Variants in GFI1B observed in about 807,000 individuals in gnomAD.
The protein encoded by GFI1B is growth factor independent 1B transcriptional repressor.
In GFI1B, 20 loss-of-function variants were observed where a neutral mutation model predicts 35.3. That is an observed-to-expected ratio of 0.57 (90% CI 0.40 to 0.82). The LOEUF is 0.82. Ranked by LOEUF, GFI1B falls within the 40% of genes least tolerant of loss-of-function variation. GFI1B has a pLI of 0.00. For missense variants in GFI1B, 430 were observed against 446.3 expected (o/e 0.96, Z 0.33); for synonymous variants, 178 against 177.6 (o/e 1.00, Z -0.02).
At chr9:132,979,479 TCCA>T (rs1848742538) in intron 1 of GFI1B, among the ~76,000 whole-genome samples, 1 of 152,100 alleles carries the variant, frequency 6.6e-6, no homozygotes, top group Admixed American at 6.5e-5. Context: ...CCTCAAACGA[TCCA>T]CCTGCCTCAG....
At chr9:132,968,675 G>A (rs1163256471) in intron 1 of GFI1B, among the ~76,000 whole-genome samples, 4 of 151,984 alleles carry the variant, frequency 2.6e-5, no homozygotes, top group Non-Finnish European at 4.4e-5. Flanking sequence ...GATCCTAATC[G>A]CAAGGTAGGA....
At chr9:132,959,750 C>T (rs1848337431) in intron 1 of GFI1B, among the ~76,000 whole-genome samples, 1 of 152,172 alleles carries the variant, frequency 6.6e-6, no homozygotes. Flanking sequence ...TTCTAAGCTT[C>T]TGGTGGTCAC....
chr9:132,989,047 GC>G lies in GFI1B; in HGVS notation c.511-10del, dbSNP rs749246908. On this transcript the variant is annotated splice_polypyrimidine_tract_variant and intron_variant, in intron 4 of 6. Transcript: ENST00000372122. This position sits in a 1 kb window ranked among gnomAD's most constrained non-coding sequence, Gnocchi z 6.2. ...GCAGCCCCCAGTGGCCTCACATGCT[GC>G]CCCTGCTCCCAGGTCTTCTCCACCC... 6.2e-7 allele frequency: 1 copy of G among 1,613,722 alleles called. No homozygotes were observed. Among genetic ancestry groups the G allele is most frequent in the Non-Finnish European group, 8.5e-7 (1 of 1,179,676 alleles).
At chr9:132,962,200 CCA>C (rs1848378288) in intron 1 of GFI1B, among the ~76,000 whole-genome samples, 2 of 147,366 alleles carry the variant, frequency 1.4e-5, no homozygotes, top group Admixed American at 1.4e-4. Flanking sequence ...TACAGTGGTA[CCA>C]TCTCAGCTTT....
rs377466789 is a variant in GFI1B at position 132,990,865 on chromosome 9, C to T, written c.815-7C>T. ...GCCCTTGCTGTGCTGCGCTGCCCTC[C>T]CTGCAGGTGAGAAGCCGCACAAGTG... On this transcript the variant is annotated splice_polypyrimidine_tract_variant and splice_region_variant and intron_variant, in intron 6 of 6. Coordinates refer to ENST00000372122, the MANE Select transcript of GFI1B (RefSeq NM_001377304.1). 1 of 1,613,960 alleles carries T rather than the reference C, an allele frequency of 6.2e-7. No individual in the cohort carries two copies. The highest frequency in any genetic ancestry group is 1.3e-5 in the African/African-American group (1 of 74,954).
chr9:132,982,791 C>T (rs1261005459), intron 1 of GFI1B, among the ~76,000 whole-genome samples: 2 of 151,946 alleles, frequency 1.3e-5, no homozygotes, highest in Non-Finnish European at 1.5e-5. Context: ...TTGGCCGTGG[C>T]GTTGGCTGTG....
rs902844349 is a variant in GFI1B at position 132,988,126 on chromosome 9, A to G, written c.239-71A>G. 1.0e-5 allele frequency: 15 copies of G among 1,436,316 alleles called. No homozygotes were observed. The African/African-American group carries it at 1.8e-4, about 17-fold the overall frequency. 89.0% of individuals were successfully genotyped at this position (1,436,316 alleles called of 1,614,324 possible). A position where few individuals can be genotyped will look rare whatever the true frequency, so the allele number is the denominator to read the frequency against. On this transcript the variant is annotated intron_variant, in intron 3 of 6. Transcript: ENST00000372122. ...CTCCCAAAGTGCTGGAATTGCAGGCATGAGCCACGCCACTGTGCCCAACCC... is the reference window on the plus strand; with the variant it reads ...CTCCCAAAGTGCTGGAATTGCAGGCGTGAGCCACGCCACTGTGCCCAACCC...
At position 132,985,261 on chromosome 9, in the gene GFI1B, C is replaced by T. The variant is rs976700288; in HGVS notation, c.-20-1398C>T. ...GGGCTCTCAGCTCCAGAGGGCTCTG[C>T]AGGGGAAGCCAGGAGTCCTGGGGTG... On this transcript the variant is annotated intron_variant, in intron 1 of 6. Coordinates refer to ENST00000372122, the MANE Select transcript of GFI1B (RefSeq NM_001377304.1). Among the ~76,000 whole-genome samples the T allele has an allele frequency of 7.2e-5, 11 of 152,192 alleles. No individual in the cohort carries two copies. In the South Asian group the frequency reaches 2.3e-3, roughly 31 times the overall value.
intron 1 of GFI1B, among the ~76,000 whole-genome samples, chr9:132,981,917 TA>T (rs1434209369): frequency 6.6e-6 from 1 of 152,128 alleles, no homozygotes; most frequent in Non-Finnish European, 1.5e-5. Context: ...CACACCCAGC[TA>T]AGTTTTGTAT....
intron 1 of GFI1B, among the ~76,000 whole-genome samples, chr9:132,947,670 G>A (rs1186226069): frequency 1.3e-5 from 2 of 151,872 alleles, no homozygotes; most frequent in African/African-American, 2.4e-5. Flanking sequence ...TTAGCCAGGC[G>A]TGGTGGCGGG....
At chr9:132,959,629 A>G (rs73554508) in intron 1 of GFI1B, among the ~76,000 whole-genome samples, 1 of 152,244 alleles carries the variant, frequency 6.6e-6, no homozygotes, top group Non-Finnish European at 1.5e-5. Flanking sequence ...TTAAAACAAC[A>G]GAAGATTATT....
downstream of GFI1B, among the ~76,000 whole-genome samples, chr9:132,992,725 T>C (rs760325857): frequency 4.6e-5 from 7 of 152,194 alleles, no homozygotes; most frequent in Non-Finnish European, 8.8e-5. Context: ...TCAGTCTCTT[T>C]GCTTACAGCT....
chr9:132,986,251 G>A (rs986523827), intron 1 of GFI1B, among the ~76,000 whole-genome samples: 2 of 148,864 alleles, frequency 1.3e-5, no homozygotes, highest in Admixed American at 6.6e-5. Context: ...TGTCGGCACT[G>A]CCTGGCATTC....
chr9:132,987,131 G>T, intron 2 of GFI1B, 151 bp from the exon 3 acceptor site: 1 of 889,576 alleles, frequency 1.1e-6, no homozygotes, highest in Admixed American at 2.0e-5. Flanking sequence ...CGCCTGCTCT[G>T]GGCAGAGCCC....
chr9:132,979,451 C>G (rs2132621674), intron 1 of GFI1B, among the ~76,000 whole-genome samples: 1 of 152,110 alleles, frequency 6.6e-6, no homozygotes, highest in East Asian at 1.9e-4. Context: ...GTTGGCCAGG[C>G]TGGTCTCGAA....
At chr9:132,949,299 A>ACG (rs1332415518) in intron 1 of GFI1B, among the ~76,000 whole-genome samples, 1 of 149,042 alleles carries the variant, frequency 6.7e-6, no homozygotes, top group African/African-American at 2.5e-5. Flanking sequence ...ACACACACAC[A>ACG]CACACATCAA....
chr9:132,974,245 T>C (rs1848585373), upstream of GFI1B, among the ~76,000 whole-genome samples: 1 of 152,200 alleles, frequency 6.6e-6, no homozygotes, highest in African/African-American at 2.4e-5. Context: ...AAACAGTTCC[T>C]GCTCTTGTAG....
intron 1 of GFI1B, among the ~76,000 whole-genome samples, chr9:132,986,197 C>T (rs1035087690): frequency 1.8e-4 from 27 of 152,150 alleles, no homozygotes; most frequent in Admixed American, 1.6e-3. Context: ...TTTCTGCAGA[C>T]GCCAGGGGAG....
chr9:132,991,851 G>A (rs1441054979), downstream of GFI1B, among the ~76,000 whole-genome samples: 2 of 151,992 alleles, frequency 1.3e-5, no homozygotes, highest in African/African-American at 2.4e-5. Flanking sequence ...GCACAGACCC[G>A]CTGACGAGCC....
Sources: allele counts gnomAD v4.1 joint callset (sites outside exome capture counted in the v4.1 genomes callset), GRCh38; gene constraint gnomAD v4.1.1; non-coding constraint Gnocchi (gnomAD v3.1); transcripts MANE v1.5; gene names NCBI Gene and HGNC (gene_info 2026-07-23, HGNC 2026-07-21).